Variants in ALDH8A1 observed in about 807,000 individuals in gnomAD.
The protein encoded by ALDH8A1 is 2-aminomuconic semialdehyde dehydrogenase.
In ALDH8A1, 39 loss-of-function variants were observed where a neutral mutation model predicts 43.3. The ratio of observed to expected loss-of-function variants is 0.90; its 90% confidence interval spans 0.70 to 1.18. The LOEUF (loss-of-function observed/expected upper bound fraction) is 1.18, where lower values mean the gene tolerates loss of function less well. ALDH8A1 is among the 50% of genes most tolerant of loss of function. The pLI is 0.00. For missense variants in ALDH8A1, 605 were observed against 622.6 expected, an observed-to-expected ratio of 0.97 and a Z score of 0.30; for synonymous variants, 233 against 243.5, an observed-to-expected ratio of 0.96 and a Z score of 0.40.
chr6:134,933,602 AG>A (rs764966602), intron 4 of ALDH8A1, among the ~76,000 whole-genome samples: 3 of 152,238 alleles, frequency 2.0e-5, no homozygotes, highest in Non-Finnish European at 4.4e-5. Flanking sequence ...CCAACTTACA[AG>A]TACCACAAAC....
At chr6:134,931,094 C>A (rs1164681790) in intron 5 of ALDH8A1, among the ~76,000 whole-genome samples, 1 of 152,096 alleles carries the variant, frequency 6.6e-6, no homozygotes, top group East Asian at 1.9e-4. Context: ...GCCTAAAATC[C>A]ATTTGTGACC....
At chr6:134,935,857 C>A (rs1286463937) in intron 4 of ALDH8A1, among the ~76,000 whole-genome samples, 1 of 152,186 alleles carries the variant, frequency 6.6e-6, no homozygotes, top group East Asian at 1.9e-4. Flanking sequence ...GGCCCAATCA[C>A]CTTGAAGCTA....
intron 6 of ALDH8A1, among the ~76,000 whole-genome samples, chr6:134,921,957 A>G (rs973799271): frequency 2.0e-5 from 3 of 152,260 alleles, no homozygotes; most frequent in Non-Finnish European, 4.4e-5. Context: ...AAGGGCAGAG[A>G]CAGCAGGGCT....
At chr6:134,942,380 G>A (rs749501426) in intron 3 of ALDH8A1, 29 bp downstream of exon 3, 1 of 1,558,542 alleles carries the variant, frequency 6.4e-7, no homozygotes, top group South Asian at 1.2e-5. Context: ...GCATAACCGG[G>A]AGGTGGGCTC....
intron 3 of ALDH8A1, among the ~76,000 whole-genome samples, chr6:134,939,919 G>A (rs1375415309): frequency 3.9e-5 from 6 of 152,192 alleles, no homozygotes; most frequent in Non-Finnish European, 8.8e-5. Flanking sequence ...CATGTCCTTT[G>A]CAGGCACATG....
chr6:134,946,203 T>G (rs1773946594), intron 1 of ALDH8A1, among the ~76,000 whole-genome samples: 1 of 152,212 alleles, frequency 6.6e-6, no homozygotes, highest in African/African-American at 2.4e-5. Flanking sequence ...CTCATCTTAA[T>G]TAGAAATTTC....
intron 6 of ALDH8A1, among the ~76,000 whole-genome samples, chr6:134,919,172 T>C (rs13206152): frequency 6.6e-6 from 1 of 152,236 alleles, no homozygotes; most frequent in Non-Finnish European, 1.5e-5. Context: ...TTAGCTATTG[T>C]TAATCTATTA....
chr6:134,944,500 A>G (rs1473873644), intron 1 of ALDH8A1, among the ~76,000 whole-genome samples: 3 of 152,226 alleles, frequency 2.0e-5, no homozygotes, highest in African/African-American at 7.2e-5. Flanking sequence ...CAACCAATGC[A>G]TCCTGAATGT....
At chr6:134,939,180 C>A in intron 4 of ALDH8A1, 86 bp downstream of exon 4, 1 of 1,548,826 alleles carries the variant, frequency 6.5e-7, no homozygotes, top group South Asian at 1.2e-5. Context: ...TCACTGGAAT[C>A]GATTGTGCTG....
Position 134,929,168 on chromosome 6 carries a change from G to A in ALDH8A1, c.897C>T (p.Ile299=). The A allele has an allele frequency of 1.2e-6, 2 of 1,614,058 alleles. No individual in the cohort carries two copies. The highest frequency in any genetic ancestry group is 8.5e-7 in the Non-Finnish European group (1 of 1,180,012). Residue 299 remains isoleucine, a synonymous_variant, in exon 6 of 7, where the codon ATC becomes ATT. Coordinates refer to ENST00000265605, the MANE Select transcript of ALDH8A1 (RefSeq NM_022568.4). ...CAAATCTCTTTAAAAATTCACTATA[G>A]ATGCTCTTCTGGACAAAGATCCTGC... is the stretch of plus-strand genomic sequence containing the variant. ...CTSRIFVQKS[I]YSEFLKRFVE...
At chr6:134,934,391 A>G (rs1020250963) in intron 4 of ALDH8A1, among the ~76,000 whole-genome samples, 1 of 152,170 alleles carries the variant, frequency 6.6e-6, no homozygotes, top group Non-Finnish European at 1.5e-5. Context: ...ACCATCTGAA[A>G]CTGCAACCAA....
chr6:134,939,522 G>C, intron 3 of ALDH8A1, 107 bp from the exon 4 acceptor site: 2 of 1,332,320 alleles, frequency 1.5e-6, no homozygotes, highest in South Asian at 3.0e-5. Flanking sequence ...AGAAAACTTA[G>C]CTTACTCTTC....
intron 4 of ALDH8A1, among the ~76,000 whole-genome samples, chr6:134,937,812 G>A (rs150700164): frequency 6.8e-4 from 104 of 152,286 alleles, no homozygotes; most frequent in African/African-American, 2.3e-3. Flanking sequence ...CTTTTGTAGG[G>A]GAGGAACATG....
chr6:134,946,785 C>CAT (rs1562261601), intron 1 of ALDH8A1, among the ~76,000 whole-genome samples: 4 of 148,834 alleles, frequency 2.7e-5, no homozygotes, highest in Admixed American at 1.3e-4. Flanking sequence ...TGTGTGCGCG[C>CAT]GCGCACAGGT....
At chr6:134,927,355 T>C (rs1051195564) in intron 6 of ALDH8A1, among the ~76,000 whole-genome samples, 1 of 152,126 alleles carries the variant, frequency 6.6e-6, no homozygotes. Context: ...AGCAGGAACA[T>C]ACTGGGCATC....
intron 3 of ALDH8A1, among the ~76,000 whole-genome samples, chr6:134,941,910 T>C (rs1773862888): frequency 6.6e-6 from 1 of 152,064 alleles, no homozygotes; most frequent in African/African-American, 2.4e-5. Context: ...CTTTTCCCTA[T>C]GATTTTCCAG....
Position 134,918,579 on chromosome 6 carries a change from C to G in ALDH8A1, c.1300G>C (p.Val434Leu), listed in dbSNP as rs1338353217. The change falls in exon 7 of 7, where the codon GTG becomes CTG. Residue 434 changes from valine (V) to leucine (L), a missense_variant. Transcript: ENST00000265605. ...AAGCCAGACTGCAGCTTCTTAGCCA[C>G]CCGGTGGACGCGCCCCACATTGCTG... ...WSSNVGRVHR[V>L]AKKLQSGLVW... 1.2e-6 allele frequency: 2 copies of G among 1,614,074 alleles called. No individual in the cohort carries two copies. The highest frequency in any genetic ancestry group is 1.3e-5 in the African/African-American group (1 of 74,938).
intron 3 of ALDH8A1, among the ~76,000 whole-genome samples, chr6:134,941,013 C>T (rs1773843278): frequency 6.6e-6 from 1 of 152,060 alleles, no homozygotes. Flanking sequence ...TGATTTTTTT[C>T]TCCGAGGAAA....
At chr6:134,943,020 G>A (rs1437477807) in intron 2 of ALDH8A1, among the ~76,000 whole-genome samples, 1 of 152,230 alleles carries the variant, frequency 6.6e-6, no homozygotes, top group Non-Finnish European at 1.5e-5. Context: ...GTCATCAGAA[G>A]AGCGGCTGGG....
Sources: gnomAD v4.1 joint callset for allele counts (sites outside exome capture counted in the v4.1 genomes callset) on GRCh38, gnomAD v4.1.1 for gene constraint, MANE v1.5 for transcripts, NCBI Gene and HGNC (gene_info 2026-07-23, HGNC 2026-07-21) for gene names.